DOCK4: variants seen among roughly 807,000 people sequenced by gnomAD.
DOCK4 encodes dedicator of cytokinesis protein 4.
A neutral mutation model predicts 268.1 loss-of-function variants in DOCK4; 97 were observed. The ratio of observed to expected loss-of-function variants is 0.36; its 90% CI spans 0.31 to 0.43. The LOEUF (loss-of-function observed/expected upper bound fraction) is 0.43, where lower values mean the gene tolerates loss of function less well. Among genes scored for constraint, DOCK4 ranks in the 20% least tolerant of loss-of-function variants. DOCK4 has a pLI of 1.00. For synonymous variants in DOCK4, 954 were observed against 887.2 expected (o/e 1.08, Z -1.34); for missense variants, 2,145 against 2,455.7 (o/e 0.87, Z 2.67).
At position 111,835,324 on chromosome 7, in the gene DOCK4, C is replaced by T. The variant is rs566161978; in HGVS notation, c.2737-638G>A. On this transcript the variant is annotated intron_variant, in intron 25 of 52. Coordinates refer to ENST00000428084, the MANE Select transcript of DOCK4 (RefSeq NM_001363540.2). Reference sequence around the variant, plus strand: ...TATGTTGCATAATGTTCATTTCAATCTCCTTTTAAAAAATAGTTTTATTCA... The same window carrying T: ...TATGTTGCATAATGTTCATTTCAATTTCCTTTTAAAAAATAGTTTTATTCA... 1.2e-4 allele frequency among the ~76,000 whole-genome samples: 18 copies of T among 152,274 alleles called. No individual in the cohort carries two copies. In the South Asian group the frequency reaches 3.7e-3, roughly 32 times the overall value.
intron 13 of DOCK4, among the ~76,000 whole-genome samples, chr7:111,911,919 A>G (rs956440247): frequency 6.6e-6 from 1 of 152,178 alleles, no homozygotes; most frequent in African/African-American, 2.4e-5. Flanking sequence ...GAAGGAAATA[A>G]TGGACAGTTG....
rs1168776011 is a variant in DOCK4, at chr7:111,834,673, G to A, written c.2750C>T (p.Ala917Val). The change falls in exon 26 of 53, where the codon GCT becomes GTT. Residue 917 changes from alanine to valine, a missense_variant. Ala to Val is a moderately conservative substitution (Grantham distance 64). Around this residue, in one of 2 missense-constraint regions of DOCK4, gnomAD observed 1,598 missense variants for 1,986.7 expected, o/e 0.80. Transcript: ENST00000428084. Reference sequence around the variant, plus strand: ...TTGTCGTAATAGGGACAGGAGACAAGCAACAAACTCCCCCTAAGTTAAAAA... The same window carrying A: ...TTGTCGTAATAGGGACAGGAGACAAACAACAAACTCCCCCTAAGTTAAAAA... ...QFQDVTGEFV[A>V]CLLSLLRQMT... 3.9e-6 allele frequency: 6 copies of A among 1,524,756 alleles called. No homozygotes were observed. In the Admixed American group the frequency reaches 1.1e-4, roughly 27 times the overall value. 94.5% of individuals were successfully genotyped at this position (1,524,756 alleles called of 1,614,324 possible).
At chr7:111,904,037 G>A (rs1000396595) in intron 13 of DOCK4, among the ~76,000 whole-genome samples, 4 of 152,180 alleles carry the variant, frequency 2.6e-5, no homozygotes, top group Admixed American at 2.0e-4. Context: ...TCTTGGGAAG[G>A]TGCTTTCCAC....
rs529335059 is a variant in DOCK4, at chr7:112,206,234, G to A, written c.-96C>T. 5.1e-6 allele frequency: 7 copies of A among 1,371,860 alleles called. No homozygotes were observed. The highest frequency in any genetic ancestry group is 7.0e-6 in the Non-Finnish European group (7 of 993,066). The allele number at this position is 1,371,860 out of a possible 1,614,324, so 85.0% of individuals were successfully genotyped here. On this transcript the variant is annotated 5_prime_UTR_variant, in exon 1 of 53. Coordinates refer to ENST00000428084, the MANE Select transcript of DOCK4 (RefSeq NM_001363540.2). The stretch of plus-strand genomic sequence containing the variant: ...AGTCCCCGAGCAGCGCTGCAGTGCC[G>A]GAGCCCAGCGGCTTCGCGCGGGCTG...
intron 1 of DOCK4, among the ~76,000 whole-genome samples, chr7:112,018,018 C>T (rs1801967736): frequency 6.6e-6 from 1 of 151,466 alleles, no homozygotes; most frequent in Non-Finnish European, 1.5e-5. Context: ...AACCCCGTCT[C>T]TACTAAAAAA....
chr7:111,991,934 C>A (rs1434799265), intron 5 of DOCK4, among the ~76,000 whole-genome samples: 2 of 123,850 alleles, frequency 1.6e-5, no homozygotes, highest in Non-Finnish European at 3.1e-5. Flanking sequence ...GCACTCCAGC[C>A]TGGGCAACAG....
intron 12 of DOCK4, among the ~76,000 whole-genome samples, chr7:111,925,809 C>T (rs1169469901): frequency 7.2e-5 from 11 of 152,116 alleles, no homozygotes; most frequent in Admixed American, 1.3e-4. Flanking sequence ...AAAAGAGGGC[C>T]GGGCACAGTG....
At chr7:111,742,571 C>T (rs1795991254) in intron 44 of DOCK4, among the ~76,000 whole-genome samples, 1 of 152,072 alleles carries the variant, frequency 6.6e-6, no homozygotes, top group Admixed American at 6.5e-5. Flanking sequence ...CCACATTTCC[C>T]TCTCCCACTA....
intron 1 of DOCK4, among the ~76,000 whole-genome samples, chr7:112,188,648 C>T (rs1325338947): frequency 5.3e-5 from 8 of 152,218 alleles, no homozygotes; most frequent in African/African-American, 1.7e-4. Flanking sequence ...TTCCCTACCA[C>T]CACTTAAAGT....
intron 47 of DOCK4, among the ~76,000 whole-genome samples, chr7:111,740,599 G>GGTACACACCT (rs1375047426): frequency 1.3e-5 from 2 of 150,520 alleles, no homozygotes; most frequent in Admixed American, 1.3e-4. Context: ...CGGGCGTGGT[G>GGTACACACCT]GTACACACCT....
At chr7:112,017,018 T>C (rs1264724843) in intron 1 of DOCK4, among the ~76,000 whole-genome samples, 3 of 152,230 alleles carry the variant, frequency 2.0e-5, no homozygotes, top group Non-Finnish European at 4.4e-5. Context: ...TCTTCAGGTT[T>C]GAATCAAACT....
Position 111,918,445 on chromosome 7 carries a change from G to C in DOCK4, c.1067-2541C>G, listed in dbSNP as rs192703980. On this transcript the variant is annotated intron_variant, in intron 12 of 52. Coordinates refer to ENST00000428084, the MANE Select transcript of DOCK4 (RefSeq NM_001363540.2). The stretch of plus-strand genomic sequence containing the variant: ...ATGGTCACGGGAAATGAAGAAGGGG[G>C]GAATAAGCCATCTGGATGATTTGAT... Among the ~76,000 whole-genome samples, 71 of 152,230 alleles carry C rather than the reference G, an allele frequency of 4.7e-4. No homozygotes were observed. In the Middle Eastern group the frequency reaches 0.014, roughly 29 times the overall value.
At chr7:112,067,004 C>A in intron 1 of DOCK4, among the ~76,000 whole-genome samples, 1 of 148,754 alleles carries the variant, frequency 6.7e-6, no homozygotes, top group East Asian at 2.0e-4. Flanking sequence ...ACAAAAAAAC[C>A]AAACCAAACC....
chr7:111,818,275 C>G (rs1376177952), intron 27 of DOCK4, among the ~76,000 whole-genome samples: 3 of 152,174 alleles, frequency 2.0e-5, no homozygotes, highest in Non-Finnish European at 4.4e-5. Context: ...ACATGTCCAG[C>G]CCCAACATCA....
At chr7:111,926,386 AC>A (rs1793663903) in intron 12 of DOCK4, among the ~76,000 whole-genome samples, 1 of 136,152 alleles carries the variant, frequency 7.3e-6, no homozygotes, top group South Asian at 2.6e-4. Context: ...AGCCGAGATC[AC>A]GCCACTGCAC....
At chr7:111,897,015 G>C (rs1370112816) in intron 15 of DOCK4, among the ~76,000 whole-genome samples, 1 of 152,092 alleles carries the variant, frequency 6.6e-6, no homozygotes, top group South Asian at 2.1e-4. Flanking sequence ...TGAATCTACA[G>C]GTTCATTTAA....
chr7:111,762,762 C>CTTTTTTTTTTTTTTTTTTTGTTT (rs1797511533), intron 39 of DOCK4, among the ~76,000 whole-genome samples: 1 of 63,068 alleles, frequency 1.6e-5, no homozygotes, highest in Admixed American at 2.6e-4. Context: ...GTTTTGTTTT[C>CTTTTTTTTTTTTTTTTTTTGTTT]TTTTTTTTTT....
chr7:111,870,631 T>C (rs1051555833), intron 20 of DOCK4, among the ~76,000 whole-genome samples: 3 of 152,060 alleles, frequency 2.0e-5, no homozygotes, highest in African/African-American at 7.2e-5. Flanking sequence ...CAGTTCTTGG[T>C]TTCTAGGAAA....
intron 16 of DOCK4, among the ~76,000 whole-genome samples, chr7:111,879,850 A>G (rs1273917385): frequency 6.6e-6 from 1 of 152,238 alleles, no homozygotes; most frequent in Admixed American, 6.5e-5. Context: ...GGGAAGCTTG[A>G]AGACAGGCTA....
Sources: gnomAD v4.1 joint callset for allele counts (sites outside exome capture counted in the v4.1 genomes callset) on GRCh38, gnomAD v4.1.1 for gene constraint, gnomAD v4.1.1 regional missense constraint, MANE v1.5 for transcripts, NCBI Gene and HGNC (gene_info 2026-07-23, HGNC 2026-07-21) for gene names.